LRP11: variants seen among roughly 807,000 people sequenced by gnomAD.
The protein encoded by LRP11 is low-density lipoprotein receptor-related protein 11.
In LRP11, 25 loss-of-function variants were observed where a neutral mutation model predicts 43.1. That is an observed-to-expected ratio of 0.58 (90% confidence interval 0.42 to 0.81). The LOEUF is 0.81. Among genes scored for constraint, LRP11 ranks in the 30% least tolerant of loss-of-function variants. The probability of loss-of-function intolerance (pLI) is 0.00; values close to 1 mark genes in which losing one functional copy is unlikely to be tolerated. For missense variants in LRP11, 623 were observed against 665.1 expected, an observed-to-expected ratio of 0.94 and a Z score of 0.70; for synonymous variants, 316 against 299.4, an observed-to-expected ratio of 1.06 and a Z score of -0.57.
At chr6:149,828,394 G>A (rs910721435) in intron 5 of LRP11, among the ~76,000 whole-genome samples, 13 of 152,190 alleles carry the variant, frequency 8.5e-5, no homozygotes, top group Non-Finnish European at 1.6e-4. Flanking sequence ...CTTTTTCTCA[G>A]GGGTGAGGTA....
chr6:149,845,827 GA>G, intron 2 of LRP11, among the ~76,000 whole-genome samples: 1 of 152,132 alleles, frequency 6.6e-6, no homozygotes, highest in African/African-American at 2.4e-5. Flanking sequence ...AGATAAATAA[GA>G]GTGAAAACAA....
intron 5 of LRP11, among the ~76,000 whole-genome samples, chr6:149,829,347 G>A (rs572659150): frequency 1.3e-5 from 2 of 152,216 alleles, no homozygotes; most frequent in South Asian, 4.1e-4. Context: ...GATCACTTGA[G>A]GTCAGGAGTT....
chr6:149,823,991 C>T (rs1776307280), intron 6 of LRP11, among the ~76,000 whole-genome samples: 1 of 152,136 alleles, frequency 6.6e-6, no homozygotes, highest in African/African-American at 2.4e-5. Context: ...GAAAGAAGTT[C>T]TGACAAGGCT....
intron 5 of LRP11, among the ~76,000 whole-genome samples, chr6:149,831,672 C>G (rs1776410011): frequency 6.6e-6 from 1 of 152,180 alleles, no homozygotes; most frequent in Non-Finnish European, 1.5e-5. Flanking sequence ...TCAAAGCACA[C>G]ATAGTTTTGT....
intron 4 of LRP11, 152 bp from the exon 5 acceptor site, chr6:149,836,449 T>C: frequency 1.5e-6 from 1 of 662,874 alleles, no homozygotes; most frequent in South Asian, 2.0e-5. Flanking sequence ...AAAAATCTAT[T>C]CTCACGTTTT....
chr6:149,837,474 A>G lies in LRP11; in HGVS notation c.914-11T>C, dbSNP rs1389973152. The stretch of plus-strand genomic sequence containing the variant: ...AAGTGTGCAAACATCCTATTTGTAA[A>G]CAAATCTCAAGTCACACGAGTGCAG... On this transcript the variant is annotated splice_polypyrimidine_tract_variant and intron_variant, in intron 3 of 6. Coordinates refer to ENST00000239367, the MANE Select transcript of LRP11 (RefSeq NM_032832.6). 11 of 1,612,736 alleles carry G rather than the reference A, an allele frequency of 6.8e-6. No individual in the cohort carries two copies. Among genetic ancestry groups the G allele is most frequent in the Non-Finnish European group, 7.6e-6 (9 of 1,179,370 alleles).
chr6:149,836,968 A>C (rs903582815), intron 4 of LRP11, among the ~76,000 whole-genome samples: 1 of 152,154 alleles, frequency 6.6e-6, no homozygotes, highest in Non-Finnish European at 1.5e-5. Context: ...GTATGATATT[A>C]TAAGACTGAT....
At chr6:149,826,204 G>A (rs771745631) in intron 6 of LRP11, 60 bp downstream of exon 6, 1 of 1,269,650 alleles carries the variant, frequency 7.9e-7, no homozygotes, top group Non-Finnish European at 1.2e-6. Context: ...TCCTCAGCCA[G>A]AGGGCATGCA....
chr6:149,833,011 T>A (rs1307213070), intron 5 of LRP11, among the ~76,000 whole-genome samples: 3 of 152,096 alleles, frequency 2.0e-5, no homozygotes, highest in Admixed American at 6.5e-5. Context: ...CGTTTCACCA[T>A]GTTAGCCAGG....
At chr6:149,859,387 T>C (rs1776851534) in intron 1 of LRP11, among the ~76,000 whole-genome samples, 2 of 86,808 alleles carry the variant, frequency 2.3e-5, no homozygotes. Flanking sequence ...CATATATATA[T>C]ATATATATAT....
chr6:149,862,970 G>A (rs1175284549), intron 1 of LRP11, among the ~76,000 whole-genome samples: 1 of 152,084 alleles, frequency 6.6e-6, no homozygotes, highest in Admixed American at 6.6e-5. Flanking sequence ...TTTGTATGAT[G>A]AAAGCCACCG....
chr6:149,842,695 C>T (rs1320935496), intron 3 of LRP11: 8 of 1,550,366 alleles, frequency 5.2e-6, no homozygotes, highest in Non-Finnish European at 7.0e-6. Context: ...AAAGTCCTCT[C>T]CCAGAATAGC....
Position 149,820,580 on chromosome 6 carries a change from G to A in LRP11, c.1472C>T (p.Ser491Leu), listed in dbSNP as rs374009912. ...KKARPITSEE[S>L]DYLINGMYL ...ATACATCCCATTTATGAGGTAGTCC[G>A]ATTCCTCAGATGTAATGGGACGAGC... Residue 491 changes from serine to leucine, a missense_variant, in exon 7 of 7, where the codon TCG becomes TTG. By Grantham distance (145) the Ser-to-Leu change is moderately radical (BLOSUM62 -2). Transcript: ENST00000239367. The A allele has an allele frequency of 3.5e-5, 27 of 780,834 alleles. No individual in the cohort carries two copies. The highest frequency in any genetic ancestry group is 5.1e-5 in the Admixed American group (3 of 59,016). 48.4% of individuals were successfully genotyped at this position (780,834 alleles called of 1,614,324 possible). A position where few individuals can be genotyped will look rare whatever the true frequency, so the allele number is the denominator to read the frequency against.
At chr6:149,839,095 A>G (rs1759422001) in intron 3 of LRP11, among the ~76,000 whole-genome samples, 1 of 144,686 alleles carries the variant, frequency 6.9e-6, no homozygotes, top group South Asian at 2.2e-4. Context: ...GGGTGTCACT[A>G]TGTTGCCCAG....
chr6:149,843,044 G>A lies in LRP11; in HGVS notation c.852C>T (p.Ala284=), dbSNP rs142014653. Reference sequence around the variant, plus strand: ...ACACGTTGTCAGAGCTTCTCTGCCCGGCAGTGTCCGTCACGGTCAGCTGGA... The same window carrying A: ...ACACGTTGTCAGAGCTTCTCTGCCCAGCAGTGTCCGTCACGGTCAGCTGGA... ...YTFQLTVTDT[A]GQRSSDNVSV... is the part of the protein sequence containing the mutation. The change falls in exon 3 of 7, where the codon GCC becomes GCT. Residue 284 remains alanine, a synonymous_variant. Transcript: ENST00000239367. The A allele has an allele frequency of 2.1e-4, 334 of 1,614,184 alleles. 3 individuals carry two copies. The East Asian group carries it at 5.2e-3, about 25-fold the overall frequency.
At chr6:149,832,495 G>C (rs1364461153) in intron 5 of LRP11, among the ~76,000 whole-genome samples, 2 of 151,894 alleles carry the variant, frequency 1.3e-5, no homozygotes, top group Non-Finnish European at 1.5e-5. Context: ...GCCGAGCTAA[G>C]TCTTATTTGT....
At position 149,846,384 on chromosome 6, in the gene LRP11, A is replaced by G. The variant is rs1238200526; in HGVS notation, c.772-3260T>C. Reference sequence around the variant, plus strand: ...GCATGCTGGAGTATGTCTAGGTGAGACCCTGCAGCCTTCAGTCAAGTAAGG... The same window carrying G: ...GCATGCTGGAGTATGTCTAGGTGAGGCCCTGCAGCCTTCAGTCAAGTAAGG... On this transcript the variant is annotated intron_variant, in intron 2 of 6. Coordinates refer to ENST00000239367, the MANE Select transcript of LRP11 (RefSeq NM_032832.6). 2.6e-5 allele frequency among the ~76,000 whole-genome samples: 4 copies of G among 152,148 alleles called. No individual in the cohort carries two copies. In the East Asian group the frequency reaches 7.7e-4, roughly 29 times the overall value.
At chr6:149,830,638 T>C (rs1776396797) in intron 5 of LRP11, among the ~76,000 whole-genome samples, 1 of 152,206 alleles carries the variant, frequency 6.6e-6, no homozygotes, top group South Asian at 2.1e-4. Flanking sequence ...ACAGGTGGGT[T>C]CATGTAAAAA....
intron 1 of LRP11, among the ~76,000 whole-genome samples, chr6:149,857,504 C>CA (rs78898379): frequency 0.12 from 14,585 of 120,774 alleles, 1,954 homozygotes; most frequent in African/African-American, 0.35. Context: ...GTCCCTGTGT[C>CA]AAAAAAAAAA....
Sources: allele counts gnomAD v4.1 joint callset (sites outside exome capture counted in the v4.1 genomes callset), GRCh38; gene constraint gnomAD v4.1.1; transcripts MANE v1.5; gene names NCBI Gene and HGNC (gene_info 2026-07-23, HGNC 2026-07-21).